Variants in BEGAIN observed in about 807,000 individuals in gnomAD.
BEGAIN encodes brain-enriched guanylate kinase-associated protein.
A neutral mutation model predicts 35.8 loss-of-function variants in BEGAIN; 19 were observed. The ratio of observed to expected loss-of-function variants is 0.53; its 90% CI spans 0.37 to 0.78. BEGAIN has a LOEUF of 0.78. Among genes scored for constraint, BEGAIN ranks in the 30% least tolerant of loss-of-function variants. The pLI, the probability that BEGAIN is intolerant of heterozygous loss-of-function variation, is 0.00. For synonymous variants in BEGAIN, 462 were observed against 388.6 expected (o/e 1.19, Z -2.22); for missense variants, 795 against 853.6 (o/e 0.93, Z 0.85).
Position 100,538,763 on chromosome 14 carries a change from G to T in BEGAIN, c.1045C>A (p.Arg349Ser). ...ASQQAIYLNS[R>S]DELFDRKPPA... ...GGCTTGCGGTCGAAGAGCTCGTCGC[G>T]GCTGTTCAGGTAGATGGCCTGCTGC... Residue 349 changes from arginine to serine, a missense_variant, in exon 7 of 7, where the codon CGC (arginine) becomes AGC (serine). Transcript: ENST00000554140. 1 of 1,584,036 alleles carries T rather than the reference G, an allele frequency of 6.3e-7. No individual in the cohort carries two copies. The highest frequency in any genetic ancestry group is 8.6e-7 in the Non-Finnish European group (1 of 1,166,516).
At position 100,559,563 on chromosome 14, in the gene BEGAIN, C is replaced by T. The variant is rs559450119; in HGVS notation, c.71+8348G>A. Among the ~76,000 whole-genome samples, 9 of 152,364 alleles carry T rather than the reference C, an allele frequency of 5.9e-5. No individual in the cohort carries two copies. The East Asian group carries it at 1.5e-3, about 26-fold the overall frequency. ...TCATTACTGGCCACCAAGGAACCCA[C>T]GCTGGCTTTGCTAATTTGACCACCC... On this transcript the variant is annotated intron_variant, in intron 2 of 6. Coordinates refer to ENST00000554140, the MANE Select transcript of BEGAIN (RefSeq NM_001385089.1).
chr14:100,540,629 C>T (rs780440070), intron 5 of BEGAIN, 50 bp from the exon 6 acceptor site: 73 of 1,448,210 alleles, frequency 5.0e-5, no homozygotes, highest in Non-Finnish European at 6.1e-5. Flanking sequence ...GCCAAGGCCC[C>T]GCCGCCCTGA....
intron 3 of BEGAIN, chr14:100,546,114 C>T (rs2032335228): frequency 5.9e-6 from 1 of 169,930 alleles, no homozygotes; most frequent in Non-Finnish European, 1.3e-5. Flanking sequence ...GGGCTAGACA[C>T]AGCTTTTCCC....
intron 2 of BEGAIN, among the ~76,000 whole-genome samples, chr14:100,566,174 C>G (rs1386040107): frequency 6.6e-6 from 1 of 152,220 alleles, no homozygotes; most frequent in Non-Finnish European, 1.5e-5. Context: ...TGGCCCGATG[C>G]AGCCCAGGAG....
chr14:100,580,410 T>C (rs1566982924), intron 1 of BEGAIN, among the ~76,000 whole-genome samples: 3 of 151,774 alleles, frequency 2.0e-5, no homozygotes, highest in African/African-American at 7.3e-5. Context: ...TGCTGGTGTC[T>C]TCTCTCTCTC....
Position 100,567,759 on chromosome 14 carries a change from CCA to C in BEGAIN, c.71+150_71+151del. On this transcript the variant is annotated intron_variant, in intron 2 of 6. Transcript: ENST00000554140. This position sits in a 1 kb window ranked among gnomAD's most constrained non-coding sequence, Gnocchi z 5.1. ...GCGCCTCGCGGCGCGCACACACGCA[CCA>C]CACACACGCACCTGGCCCGCAGCCC... 1 of 653,170 alleles carries C rather than the reference CCA, an allele frequency of 1.5e-6. No individual in the cohort carries two copies. Among genetic ancestry groups the C allele is most frequent in the Non-Finnish European group, 2.1e-6 (1 of 467,560 alleles). 40.5% of individuals were successfully genotyped at this position (653,170 alleles called of 1,614,324 possible).
Position 100,568,456 on chromosome 14 carries a change from G to A in BEGAIN, c.43-517C>T, listed in dbSNP as rs1225209829. 4 of 1,286,096 alleles carry A rather than the reference G, an allele frequency of 3.1e-6. No individual in the cohort carries two copies. Among genetic ancestry groups the A allele is most frequent in the Non-Finnish European group, 4.1e-6 (4 of 987,074 alleles). 79.7% of individuals were successfully genotyped at this position (1,286,096 alleles called of 1,614,324 possible). A position where few individuals can be genotyped will look rare whatever the true frequency, so the allele number is the denominator to read the frequency against. ...AACCTGACACTCACACAATCCGAGG[G>A]CGATGGCATTTGGAGCCTCGACTCC... On this transcript the variant is annotated intron_variant, in intron 1 of 6. Coordinates refer to ENST00000554140, the MANE Select transcript of BEGAIN (RefSeq NM_001385089.1). This position sits in a 1 kb window ranked among gnomAD's most constrained non-coding sequence, Gnocchi z 7.5.
Position 100,571,795 on chromosome 14 carries a change from C to T in BEGAIN, c.43-3856G>A, listed in dbSNP as rs2035088423. ...GGCCACACTGGCTGCCTTGCTGGCT[C>T]CAGGCTCACCTGGCCCATCCCTGTC... On this transcript the variant is annotated intron_variant, in intron 1 of 6. Transcript: ENST00000554140. Among the ~76,000 whole-genome samples, 3 of 152,300 alleles carry T rather than the reference C, an allele frequency of 2.0e-5. No individual in the cohort carries two copies. The South Asian group carries it at 6.2e-4, about 32-fold the overall frequency.
At position 100,538,618 on chromosome 14, in the gene BEGAIN, T is replaced by C; in HGVS notation, c.1190A>G (p.Glu397Gly). 6.5e-7 allele frequency: 1 copy of C among 1,549,088 alleles called. No individual in the cohort carries two copies. The highest frequency in any genetic ancestry group is 8.7e-7 in the Non-Finnish European group (1 of 1,146,070). Reference sequence around the variant, plus strand: ...CGGAGAGGCCGGGAAGCGGAAGGTCTCGGCCGGGTACGGTGACATGGTCCG... The same window carrying C: ...CGGAGAGGCCGGGAAGCGGAAGGTCCCGGCCGGGTACGGTGACATGGTCCG... ...FGRTMSPYPA[E>G]TFRFPASPGP... The change falls in exon 7 of 7, where the codon GAG (glutamate) becomes GGG (glycine). Residue 397 changes from glutamate (E) to glycine (G), a missense_variant. Transcript: ENST00000554140.
At chr14:100,582,325 A>G (rs1566983588) in intron 1 of BEGAIN, among the ~76,000 whole-genome samples, 1 of 151,994 alleles carries the variant, frequency 6.6e-6, no homozygotes, top group Non-Finnish European at 1.5e-5. Flanking sequence ...TTGTATTTTT[A>G]GTAGAGATGG....
At chr14:100,562,791 C>T (rs1328038459) in intron 2 of BEGAIN, among the ~76,000 whole-genome samples, 1 of 152,174 alleles carries the variant, frequency 6.6e-6, no homozygotes, top group African/African-American at 2.4e-5. Context: ...CCACTCACTG[C>T]CTTCCTTTCT....
chr14:100,575,351 C>T (rs1332328876), intron 1 of BEGAIN, among the ~76,000 whole-genome samples: 2 of 152,176 alleles, frequency 1.3e-5, no homozygotes, highest in Non-Finnish European at 2.9e-5. Flanking sequence ...GGGCTGGCAT[C>T]GCTATCTTTA....
intron 3 of BEGAIN, 26 bp from the exon 4 acceptor site, chr14:100,545,092 T>C: frequency 6.2e-7 from 1 of 1,612,732 alleles, no homozygotes; most frequent in Non-Finnish European, 8.5e-7. Flanking sequence ...AGGGGGTCAC[T>C]GCCATGCAAG....
At chr14:100,578,353 A>G (rs7494274) in intron 1 of BEGAIN, among the ~76,000 whole-genome samples, 69,833 of 152,148 alleles carry the variant, frequency 0.46, 16,525 homozygotes, top group East Asian at 0.63. Context: ...GGCAGTGGAC[A>G]GATGGCCACG....
intron 1 of BEGAIN, among the ~76,000 whole-genome samples, chr14:100,581,146 G>T (rs1595153635): frequency 6.6e-6 from 1 of 152,198 alleles, no homozygotes; most frequent in African/African-American, 2.4e-5. Flanking sequence ...GGTGGGCATG[G>T]GGCAGTACTC....
intron 2 of BEGAIN, among the ~76,000 whole-genome samples, chr14:100,555,136 G>A (rs1459596291): frequency 1.3e-5 from 2 of 152,246 alleles, no homozygotes; most frequent in Non-Finnish European, 2.9e-5. Context: ...AGACCCTTGG[G>A]ATGCCTCTGA....
At chr14:100,547,288 G>C (rs1394416334) in intron 2 of BEGAIN, 1 of 152,308 alleles carries the variant, frequency 6.6e-6, no homozygotes, top group Non-Finnish European at 1.5e-5. Flanking sequence ...GCTGCATGCA[G>C]CACGGGAAAC....
chr14:100,539,219 C>T lies in BEGAIN; in HGVS notation c.589G>A (p.Val197Ile), dbSNP rs200039444. The T allele has an allele frequency of 7.3e-5, 116 of 1,586,910 alleles. 1 individual carries two copies. The East Asian group carries it at 2.3e-3, about 31-fold the overall frequency. Reference sequence around the variant, plus strand: ...ACCTTGGCAATGACGCAGGTGGGGACGCTGTCGGCGTAGGCCGGGTGGCAG... The same window carrying T: ...ACCTTGGCAATGACGCAGGTGGGGATGCTGTCGGCGTAGGCCGGGTGGCAG... ...PLCHPAYADS[V>I]PTCVIAKVLE... is the part of the protein sequence containing the mutation. The change falls in exon 7 of 7, where the codon GTC (valine) becomes ATC (isoleucine). Residue 197 changes from valine to isoleucine, a missense_variant. Val to Ile is a conservative substitution (Grantham distance 29). This residue lies in a region of BEGAIN where 664 missense variants were observed against 647.7 expected (regional missense o/e 1.03). Coordinates refer to ENST00000554140, the MANE Select transcript of BEGAIN (RefSeq NM_001385089.1).
At chr14:100,577,542 G>A in intron 1 of BEGAIN, 1 of 399,184 alleles carries the variant, frequency 2.5e-6, no homozygotes, top group Admixed American at 4.4e-5. Context: ...AGGGCTCTGG[G>A]CTGCGGCCTC....
Sources: allele counts gnomAD v4.1 joint callset (sites outside exome capture counted in the v4.1 genomes callset), GRCh38; gene constraint gnomAD v4.1.1; regional missense constraint gnomAD v4.1.1; non-coding constraint Gnocchi (gnomAD v3.1); transcripts MANE v1.5; gene names NCBI Gene and HGNC (gene_info 2026-07-23, HGNC 2026-07-21).